The following ZNF573 variants were observed in gnomAD, a reference collection of about 807,000 sequenced individuals.
The protein encoded by ZNF573 is zinc finger protein 573.
A neutral mutation model predicts 57.4 loss-of-function variants in ZNF573; 41 were observed. The ratio of observed to expected loss-of-function variants is 0.71; its 90% CI spans 0.56 to 0.93. ZNF573 has a LOEUF of 0.93. Among genes scored for constraint, ZNF573 ranks in the 40% least tolerant of loss-of-function variants. ZNF573 has a pLI of 0.00. For synonymous variants in ZNF573, 249 were observed against 261.0 expected (o/e 0.95, Z 0.44); for missense variants, 730 against 794.8 (o/e 0.92, Z 0.98).
chr19:37,747,428 TATGAG>T (rs1242235720), intron 4 of ZNF573, among the ~76,000 whole-genome samples: 1 of 150,584 alleles, frequency 6.6e-6, no homozygotes, highest in Non-Finnish European at 1.5e-5. Flanking sequence ...TCTACACTGA[TATGAG>T]AAGAAACAAA....
chr19:37,757,387 C>T (rs1351262106), intron 4 of ZNF573, among the ~76,000 whole-genome samples: 2 of 151,872 alleles, frequency 1.3e-5, no homozygotes, highest in African/African-American at 2.4e-5. Context: ...TTTGTAGAGA[C>T]GGGGTTTCAC....
chr19:37,755,929 A>G (rs1256654240), intron 4 of ZNF573, among the ~76,000 whole-genome samples: 1 of 152,086 alleles, frequency 6.6e-6, no homozygotes, highest in Non-Finnish European at 1.5e-5. Context: ...GAAATTAATC[A>G]CTTTTATAAA....
chr19:37,767,404 A>AC (rs2045612196), intron 4 of ZNF573, among the ~76,000 whole-genome samples: 1 of 147,696 alleles, frequency 6.8e-6, no homozygotes. Flanking sequence ...AATTTTTTGT[A>AC]TTTTTTTTTT....
At chr19:37,762,380 G>A (rs986618558) in intron 4 of ZNF573, among the ~76,000 whole-genome samples, 5 of 152,190 alleles carry the variant, frequency 3.3e-5, no homozygotes, top group African/African-American at 9.6e-5. Context: ...GATGTGGACT[G>A]TATATTTGAT....
At chr19:37,748,656 A>C (rs945433924) in intron 4 of ZNF573, among the ~76,000 whole-genome samples, 1 of 152,090 alleles carries the variant, frequency 6.6e-6, no homozygotes, top group Admixed American at 6.6e-5. Context: ...CTGGCTGGGC[A>C]TGGTGGCTCA....
chr19:37,764,902 CTTTTT>C (rs34049888), intron 4 of ZNF573, among the ~76,000 whole-genome samples: 2 of 106,516 alleles, frequency 1.9e-5, no homozygotes, highest in East Asian at 3.4e-4. Context: ...TGTGCCCGGC[CTTTTT>C]TTTTTTTTTT....
intron 3 of ZNF573, 89 bp from the exon 4 acceptor site, chr19:37,770,186 A>C: frequency 9.9e-7 from 1 of 1,006,410 alleles, no homozygotes; most frequent in South Asian, 1.7e-5. Context: ...CAATGAACTA[A>C]GGACTTCAAA....
chr19:37,750,969 C>T (rs931838235), intron 4 of ZNF573, among the ~76,000 whole-genome samples: 3 of 151,652 alleles, frequency 2.0e-5, no homozygotes, highest in African/African-American at 7.3e-5. Flanking sequence ...AGTACTCATA[C>T]TTTGTGACTT....
At chr19:37,764,004 G>A (rs1400031256) in intron 4 of ZNF573, among the ~76,000 whole-genome samples, 7 of 145,780 alleles carry the variant, frequency 4.8e-5, no homozygotes, top group African/African-American at 1.0e-4. Context: ...CAGAGGTTGC[G>A]ATGAGCCAAG....
intron 4 of ZNF573, chr19:37,740,662 C>T: frequency 6.6e-6 from 3 of 451,456 alleles, no homozygotes; most frequent in South Asian, 3.1e-5. Flanking sequence ...CATGTCAAAA[C>T]ATCAGCTCTT....
chr19:37,749,129 T>C (rs867525452), intron 4 of ZNF573, among the ~76,000 whole-genome samples: 4 of 151,914 alleles, frequency 2.6e-5, no homozygotes, highest in Admixed American at 6.6e-5. Flanking sequence ...GAGATGTACA[T>C]AGTTAAGAGG....
intron 4 of ZNF573, among the ~76,000 whole-genome samples, chr19:37,742,138 A>G (rs2145276814): frequency 6.6e-6 from 1 of 152,308 alleles, no homozygotes; most frequent in African/African-American, 2.4e-5. Flanking sequence ...GGACCTCTTC[A>G]AGGAGAACTA....
At chr19:37,747,968 G>A (rs1359577645) in intron 4 of ZNF573, among the ~76,000 whole-genome samples, 1 of 152,170 alleles carries the variant, frequency 6.6e-6, no homozygotes, top group Non-Finnish European at 1.5e-5. Context: ...TTACAGGCAT[G>A]AGCCACCGCG....
At chr19:37,744,106 G>GT (rs950193079) in intron 4 of ZNF573, among the ~76,000 whole-genome samples, 224 of 142,450 alleles carry the variant, frequency 1.6e-3, no homozygotes, top group African/African-American at 3.8e-3. Context: ...CATGTATCCT[G>GT]TTTTTTTTTT....
intron 4 of ZNF573, among the ~76,000 whole-genome samples, chr19:37,749,288 T>C (rs570723370): frequency 6.6e-6 from 1 of 151,832 alleles, no homozygotes; most frequent in African/African-American, 2.4e-5. Flanking sequence ...TATTATACAT[T>C]ATACACATAC....
At chr19:37,741,280 A>G (rs917567813) in intron 4 of ZNF573, among the ~76,000 whole-genome samples, 1 of 152,142 alleles carries the variant, frequency 6.6e-6, no homozygotes, top group Non-Finnish European at 1.5e-5. Context: ...TCAATCAATC[A>G]TCAAGACAGA....
chr19:37,758,235 AT>A (rs2045513424), intron 4 of ZNF573, among the ~76,000 whole-genome samples: 2 of 92,290 alleles, frequency 2.2e-5, no homozygotes, highest in African/African-American at 8.9e-5. Context: ...ATATATATAT[AT>A]ATATATATAT....
At chr19:37,757,904 A>T (rs1196027415) in intron 4 of ZNF573, among the ~76,000 whole-genome samples, 3 of 151,954 alleles carry the variant, frequency 2.0e-5, no homozygotes, top group African/African-American at 7.3e-5. Context: ...GACATGGATG[A>T]AGCTGGAAAC....
intron 4 of ZNF573, among the ~76,000 whole-genome samples, chr19:37,752,521 T>C (rs2045448091): frequency 6.6e-6 from 1 of 152,204 alleles, no homozygotes; most frequent in Admixed American, 6.5e-5. Context: ...ACATGTTGCT[T>C]GATTCCTTTT....
Sources: allele counts gnomAD v4.1 joint callset (sites outside exome capture counted in the v4.1 genomes callset), GRCh38; gene constraint gnomAD v4.1.1; transcripts MANE v1.5; gene names NCBI Gene and HGNC (gene_info 2026-07-23, HGNC 2026-07-21).